PTPRT: variants seen among roughly 807,000 people sequenced by gnomAD.
The protein encoded by PTPRT is receptor-type tyrosine-protein phosphatase T.
PTPRT carries 56 observed loss-of-function variants against 176.8 expected under a neutral mutation model. The ratio of observed to expected loss-of-function variants is 0.32; its 90% CI spans 0.26 to 0.40. PTPRT has a LOEUF of 0.40. Ranked by LOEUF, PTPRT falls within the 10% of genes least tolerant of loss-of-function variation. The pLI is 1.00. For synonymous variants in PTPRT, 783 were observed against 739.0 expected (o/e 1.06, Z -0.96); for missense variants, 1,540 against 1,908.2 (o/e 0.81, Z 3.60).
At chr20:42,978,859 G>A (rs1040203696) in intron 1 of PTPRT, among the ~76,000 whole-genome samples, 3 of 152,164 alleles carry the variant, frequency 2.0e-5, no homozygotes, top group Non-Finnish European at 4.4e-5. Context: ...TCTATCCCTT[G>A]TTCAGCATAT....
chr20:43,163,362 G>T (rs1398417795), intron 1 of PTPRT, among the ~76,000 whole-genome samples: 1 of 152,184 alleles, frequency 6.6e-6, no homozygotes, highest in Non-Finnish European at 1.5e-5. Flanking sequence ...GGCTGGGCCA[G>T]GCGCGGTGGC....
At chr20:43,083,343 T>TATATATATAC (rs2011503930) in intron 1 of PTPRT, among the ~76,000 whole-genome samples, 7 of 115,302 alleles carry the variant, frequency 6.1e-5, no homozygotes, top group African/African-American at 1.6e-4. Flanking sequence ...TATATATATA[T>TATATATATAC]ATATATATAT....
intron 7 of PTPRT, among the ~76,000 whole-genome samples, chr20:42,497,530 G>T (rs969358089): frequency 1.3e-5 from 2 of 151,914 alleles, no homozygotes; most frequent in African/African-American, 2.4e-5. Flanking sequence ...CGATCCTCCT[G>T]CCTCAGACTT....
intron 24 of PTPRT, among the ~76,000 whole-genome samples, chr20:42,106,192 C>T (rs1358263933): frequency 1.3e-5 from 2 of 152,192 alleles, no homozygotes; most frequent in Non-Finnish European, 2.9e-5. Flanking sequence ...AGAATGTATG[C>T]TGCCTGGCTC....
At chr20:43,096,102 C>G (rs968880935) in intron 1 of PTPRT, among the ~76,000 whole-genome samples, 7 of 143,042 alleles carry the variant, frequency 4.9e-5, no homozygotes, top group Non-Finnish European at 9.2e-5. Context: ...TTCCCTCTCT[C>G]TCTCCCCATC....
intron 8 of PTPRT, among the ~76,000 whole-genome samples, chr20:42,467,901 T>A (rs1403135638): frequency 1.3e-5 from 2 of 152,210 alleles, no homozygotes; most frequent in Non-Finnish European, 2.9e-5. Flanking sequence ...AATATGTCTA[T>A]CCGTGCCTAG....
intron 15 of PTPRT, among the ~76,000 whole-genome samples, chr20:42,206,761 C>G (rs1600675894): frequency 6.6e-6 from 1 of 152,242 alleles, no homozygotes; most frequent in African/African-American, 2.4e-5. Flanking sequence ...CCCGGAAGCT[C>G]GAACTGGGTG....
intron 2 of PTPRT, among the ~76,000 whole-genome samples, chr20:42,834,552 C>T (rs2078148253): frequency 6.6e-6 from 1 of 152,000 alleles, no homozygotes; most frequent in Non-Finnish European, 1.5e-5. Flanking sequence ...AGACAAAAAC[C>T]GGTATGCTGA....
chr20:42,206,265 T>C (rs1276701831), intron 15 of PTPRT, among the ~76,000 whole-genome samples: 5 of 152,132 alleles, frequency 3.3e-5, no homozygotes, highest in African/African-American at 4.8e-5. Flanking sequence ...ATCAATAGTG[T>C]AGCAGGGGGA....
intron 9 of PTPRT, among the ~76,000 whole-genome samples, chr20:42,438,303 T>C (rs369544233): frequency 5.5e-4 from 84 of 152,316 alleles, no homozygotes; most frequent in African/African-American, 1.8e-3. Context: ...CATTTTTCTT[T>C]AGCAAAACTC....
At chr20:42,779,481 C>G (rs1039392522) in intron 4 of PTPRT, among the ~76,000 whole-genome samples, 9 of 152,202 alleles carry the variant, frequency 5.9e-5, no homozygotes, top group African/African-American at 2.2e-4. Context: ...GCCATAATCT[C>G]CATGCAAATC....
Position 42,102,416 on chromosome 20 carries a change from A to G in PTPRT, c.3541-119T>C, listed in dbSNP as rs918541531. 1.6e-5 allele frequency: 17 copies of G among 1,070,034 alleles called. No individual in the cohort carries two copies. The East Asian group carries it at 4.4e-4, about 28-fold the overall frequency. 66.3% of individuals were successfully genotyped at this position (1,070,034 alleles called of 1,614,324 possible). ...ATTTCCACCCTCTAAGCGCAGCCCCACTCTCCCTTTCCCGGGACCCATTTC... is the reference window on the plus strand; with the variant it reads ...ATTTCCACCCTCTAAGCGCAGCCCCGCTCTCCCTTTCCCGGGACCCATTTC... On this transcript the variant is annotated intron_variant, in intron 25 of 30. Coordinates refer to ENST00000373187, the MANE Select transcript of PTPRT (RefSeq NM_007050.6).
intron 21 of PTPRT, chr20:42,116,187 CAGTT>C: frequency 1.4e-6 from 1 of 694,660 alleles, no homozygotes; most frequent in Non-Finnish European, 2.7e-6. Flanking sequence ...CTGTATTACA[CAGTT>C]AAATAGGCAG....
intron 9 of PTPRT, among the ~76,000 whole-genome samples, chr20:42,422,964 T>C (rs2059132457): frequency 6.6e-6 from 1 of 152,038 alleles, no homozygotes; most frequent in African/African-American, 2.4e-5. Flanking sequence ...AAATACCACA[T>C]GTTCTCACTT....
At chr20:42,205,160 C>T (rs113690893) in intron 15 of PTPRT, among the ~76,000 whole-genome samples, 3,070 of 151,890 alleles carry the variant, frequency 0.02, 106 homozygotes, top group African/African-American at 0.07. Context: ...CATGGCACAA[C>T]GAAGGAATTT....
chr20:42,717,253 G>A (rs987398764), intron 6 of PTPRT, among the ~76,000 whole-genome samples: 6 of 149,416 alleles, frequency 4.0e-5, no homozygotes, highest in Admixed American at 4.0e-4. Context: ...TTCAAGACTT[G>A]TCATAAAGCT....
chr20:42,706,457 T>C (rs2076061269), intron 6 of PTPRT, among the ~76,000 whole-genome samples: 1 of 152,060 alleles, frequency 6.6e-6, no homozygotes, highest in Admixed American at 6.6e-5. Flanking sequence ...GGTACGTACA[T>C]TTGAGCAAGT....
intron 7 of PTPRT, among the ~76,000 whole-genome samples, chr20:42,604,478 A>G (rs1475310154): frequency 1.3e-5 from 2 of 151,798 alleles, no homozygotes; most frequent in Admixed American, 6.6e-5. Context: ...AGTCCATAAT[A>G]TCCCAGAACA....
chr20:42,676,574 C>T (rs1600590587), intron 7 of PTPRT, among the ~76,000 whole-genome samples: 4 of 151,808 alleles, frequency 2.6e-5, no homozygotes, highest in Admixed American at 2.6e-4. Context: ...TTTTATTCAT[C>T]ATGATGTGGC....
Sources: gnomAD v4.1 joint callset for allele counts (sites outside exome capture counted in the v4.1 genomes callset) on GRCh38, gnomAD v4.1.1 for gene constraint, MANE v1.5 for transcripts, NCBI Gene and HGNC (gene_info 2026-07-23, HGNC 2026-07-21) for gene names.